CCSER1: variants seen among roughly 807,000 people sequenced by gnomAD.
CCSER1 encodes the protein serine-rich coiled-coil domain-containing protein 1.
Under a neutral mutation model 82.0 loss-of-function variants are expected in CCSER1, and 41 were observed. The observed-to-expected ratio is 0.50, with a 90% CI of 0.39 to 0.65. The LOEUF is 0.65. Among genes scored for constraint, CCSER1 ranks in the 30% least tolerant of loss-of-function variants. The pLI, the probability that CCSER1 is intolerant of heterozygous loss-of-function variation, is 0.00. For synonymous variants in CCSER1, 414 were observed against 383.9 expected, an observed-to-expected ratio of 1.08 and a Z score of -0.92; for missense variants, 1,119 against 1,064.2, an observed-to-expected ratio of 1.05 and a Z score of -0.72.
intron 10 of CCSER1, among the ~76,000 whole-genome samples, chr4:91,179,701 A>G (rs1433634724): frequency 6.6e-6 from 1 of 152,138 alleles, no homozygotes; most frequent in African/African-American, 2.4e-5. Context: ...TTAGCCATTC[A>G]TCTAATCTTT....
intron 1 of CCSER1, among the ~76,000 whole-genome samples, chr4:90,271,863 T>TATA (rs61116868): frequency 3.5e-3 from 69 of 19,662 alleles, no homozygotes; most frequent in African/African-American, 0.015. Flanking sequence ...TATATATATA[T>TATA]TTTTTTTTTT....
chr4:91,003,614 G>T (rs1262836541), intron 9 of CCSER1, among the ~76,000 whole-genome samples: 1 of 152,110 alleles, frequency 6.6e-6, no homozygotes, highest in South Asian at 2.1e-4. Context: ...TGGGAGAGCA[G>T]GGCTGAGAAC....
chr4:90,700,488 C>A (rs913601781), intron 6 of CCSER1, among the ~76,000 whole-genome samples: 3 of 152,212 alleles, frequency 2.0e-5, no homozygotes, highest in Non-Finnish European at 4.4e-5. Flanking sequence ...ATTTATAATC[C>A]TTTGGGTATA....
chr4:90,892,854 T>G (rs1448447977), intron 8 of CCSER1, among the ~76,000 whole-genome samples: 1 of 152,140 alleles, frequency 6.6e-6, no homozygotes, highest in Non-Finnish European at 1.5e-5. Flanking sequence ...TACTAATGCC[T>G]GGAATATTAC....
At chr4:90,408,458 C>T (rs1578322532) in intron 4 of CCSER1, among the ~76,000 whole-genome samples, 1 of 152,296 alleles carries the variant, frequency 6.6e-6, no homozygotes, top group South Asian at 2.1e-4. Flanking sequence ...GATTAAGCAG[C>T]AGCATTTGCG....
intron 9 of CCSER1, among the ~76,000 whole-genome samples, chr4:91,015,190 A>G (rs1325789910): frequency 1.3e-5 from 2 of 152,038 alleles, no homozygotes; most frequent in Non-Finnish European, 2.9e-5. Flanking sequence ...TTCATTAAAA[A>G]CATGTGGTTA....
At chr4:90,363,349 C>A (rs1034377213) in intron 3 of CCSER1, among the ~76,000 whole-genome samples, 2 of 152,016 alleles carry the variant, frequency 1.3e-5, no homozygotes. Flanking sequence ...ATTTGTTTTT[C>A]TTTCATTTTT....
chr4:90,708,414 T>C (rs561876528), intron 6 of CCSER1, among the ~76,000 whole-genome samples: 1 of 152,220 alleles, frequency 6.6e-6, no homozygotes, highest in African/African-American at 2.4e-5. Flanking sequence ...TCACCCCAAA[T>C]TTATTAGCAA....
chr4:90,223,414 A>T (rs934634302), intron 1 of CCSER1, among the ~76,000 whole-genome samples: 1 of 152,120 alleles, frequency 6.6e-6, no homozygotes, highest in South Asian at 2.1e-4. Flanking sequence ...TGATGGAGGG[A>T]CCAGAGACCC....
intron 5 of CCSER1, among the ~76,000 whole-genome samples, chr4:90,515,754 T>C (rs755844209): frequency 1.3e-5 from 2 of 152,162 alleles, no homozygotes; most frequent in Admixed American, 1.3e-4. Context: ...AACTGAGACA[T>C]AGAGTGAGTA....
intron 5 of CCSER1, among the ~76,000 whole-genome samples, chr4:90,551,127 A>G (rs550298750): frequency 1.8e-4 from 27 of 152,246 alleles, no homozygotes; most frequent in African/African-American, 5.5e-4. Flanking sequence ...TATGTCATAA[A>G]TTTATATAGT....
At chr4:91,261,457 A>G (rs886419862) in intron 10 of CCSER1, among the ~76,000 whole-genome samples, 1 of 152,194 alleles carries the variant, frequency 6.6e-6, no homozygotes. Flanking sequence ...CTAGTTGTCA[A>G]TATGGTATCT....
intron 1 of CCSER1, among the ~76,000 whole-genome samples, chr4:90,273,077 G>A (rs1015860010): frequency 6.6e-6 from 1 of 152,106 alleles, no homozygotes; most frequent in Non-Finnish European, 1.5e-5. Flanking sequence ...GATGGAACTG[G>A]ATGTCATTCT....
chr4:90,309,403 A>G lies in CCSER1; in HGVS notation c.1119A>G (p.Arg373=), dbSNP rs1414891244. The part of the protein sequence containing the change: ...SESNLPADSE[R]EENIGLQNGE... ...GTAACCTACCAGCAGATAGTGAAAG[A>G]GAAGAAAATATAGGGTTACAAAATG... Residue 373 remains arginine (R), a synonymous_variant, in exon 2 of 11, where the codon AGA becomes AGG. Coordinates refer to ENST00000509176, the MANE Select transcript of CCSER1 (RefSeq NM_001145065.2). 1 of 1,613,726 alleles carries G rather than the reference A, an allele frequency of 6.2e-7. No homozygotes were observed. Among genetic ancestry groups the G allele is most frequent in the African/African-American group, 1.3e-5 (1 of 74,920 alleles).
At chr4:90,363,810 T>C (rs1003423606) in intron 3 of CCSER1, among the ~76,000 whole-genome samples, 1 of 152,134 alleles carries the variant, frequency 6.6e-6, no homozygotes, top group Non-Finnish European at 1.5e-5. Flanking sequence ...AGAGCCTTTC[T>C]GTAGTGGTCT....
chr4:90,736,733 A>G (rs1423775103), intron 7 of CCSER1, among the ~76,000 whole-genome samples: 1 of 151,858 alleles, frequency 6.6e-6, no homozygotes, highest in Non-Finnish European at 1.5e-5. Flanking sequence ...ACTTACTCCT[A>G]CTTACTCCTA....
At chr4:91,202,182 A>G (rs1382373177) in intron 10 of CCSER1, among the ~76,000 whole-genome samples, 1 of 151,760 alleles carries the variant, frequency 6.6e-6, no homozygotes, top group Non-Finnish European at 1.5e-5. Flanking sequence ...AACTGTCAAA[A>G]AAAAAAAAAA....
chr4:90,623,216 A>G (rs1443899478), intron 5 of CCSER1, among the ~76,000 whole-genome samples: 1 of 151,190 alleles, frequency 6.6e-6, no homozygotes, highest in African/African-American at 2.4e-5. Context: ...TTGTATTTTT[A>G]GTAGAGACAG....
rs942838540 is a variant in CCSER1 at position 90,729,023 on chromosome 4, T to C, written c.2010+5032T>C. On this transcript the variant is annotated intron_variant, in intron 7 of 10. Transcript: ENST00000509176. ...CTAATTAGGAGGCTGTCTGGGAGGA[T>C]CAAACCCCAGTTTTGCCACTCTCTA... 5.3e-5 allele frequency among the ~76,000 whole-genome samples: 8 copies of C among 152,314 alleles called. No homozygotes were observed. The East Asian group carries it at 9.6e-4, about 18-fold the overall frequency.
Sources: allele counts gnomAD v4.1 joint callset (sites outside exome capture counted in the v4.1 genomes callset), GRCh38; gene constraint gnomAD v4.1.1; transcripts MANE v1.5; gene names NCBI Gene and HGNC (gene_info 2026-07-23, HGNC 2026-07-21).